Variants in SLC29A4 observed in about 807,000 individuals in gnomAD.
SLC29A4 encodes equilibrative nucleoside transporter 4.
A neutral mutation model predicts 43.9 loss-of-function variants in SLC29A4; 36 were observed. The ratio of observed to expected loss-of-function variants is 0.82; its 90% confidence interval spans 0.63 to 1.08. SLC29A4 has a LOEUF of 1.08. SLC29A4 is among the 50% of genes least tolerant of loss of function. SLC29A4 has a pLI of 0.00. For synonymous variants in SLC29A4, 491 were observed against 338.0 expected, an observed-to-expected ratio of 1.45 and a Z score of -4.97; for missense variants, 869 against 755.3, an observed-to-expected ratio of 1.15 and a Z score of -1.77.
In SLC29A4 at chr7:5,306,419, T is replaced by G. The variant is rs1786501071; in HGVS notation, c.*3480T>G. ...CACATTGCTCAGGCTGGTCTGAAAC[T>G]CCTGGCCTGAAGTGATCCTCCCGCC... On this transcript the variant is annotated 3_prime_UTR_variant, in exon 11 of 11. Transcript: ENST00000396872. 1.3e-5 allele frequency: 2 copies of G among 151,796 alleles called. No individual in the cohort carries two copies. The highest frequency in any genetic ancestry group is 1.3e-4 in the Admixed American group (2 of 15,246). 9.4% of individuals were successfully genotyped at this position (151,796 alleles called of 1,614,324 possible). A position where few individuals can be genotyped will look rare whatever the true frequency, so the allele number is the denominator to read the frequency against.
chr7:5,289,252 C>T (rs1188449192), intron 2 of SLC29A4, among the ~76,000 whole-genome samples: 1 of 152,090 alleles, frequency 6.6e-6, no homozygotes, highest in South Asian at 2.1e-4. Flanking sequence ...CAAAAATTAG[C>T]CGGGTGTGGT....
intron 1 of SLC29A4, among the ~76,000 whole-genome samples, chr7:5,284,630 G>A (rs1784848000): frequency 6.6e-6 from 1 of 152,208 alleles, no homozygotes; most frequent in Non-Finnish European, 1.5e-5. Context: ...TGCCTTCCCT[G>A]GGGCGCAGTA....
At chr7:5,299,700 T>A (rs568777263) in intron 9 of SLC29A4, among the ~76,000 whole-genome samples, 62 of 152,316 alleles carry the variant, frequency 4.1e-4, no homozygotes, top group Middle Eastern at 3.4e-3. Context: ...CCCCTGGGGA[T>A]GAGCACAGGA....
chr7:5,285,043 T>G (rs959324489), intron 1 of SLC29A4, among the ~76,000 whole-genome samples: 3 of 152,148 alleles, frequency 2.0e-5, no homozygotes, highest in Admixed American at 6.5e-5. Context: ...TTGATTGTTG[T>G]AGACTGTCAC....
At chr7:5,297,764 G>C (rs112615973) in intron 7 of SLC29A4, among the ~76,000 whole-genome samples, 4,251 of 152,288 alleles carry the variant, frequency 0.028, 223 homozygotes, top group African/African-American at 0.097. Context: ...AGCCAGGAAA[G>C]GGAGTGGTCT....
chr7:5,292,990 C>T (rs1000717242), intron 5 of SLC29A4, among the ~76,000 whole-genome samples: 43 of 150,372 alleles, frequency 2.9e-4, no homozygotes, highest in African/African-American at 1.0e-3. Context: ...TGAGCCACCG[C>T]ACCCCGCCCC....
chr7:5,306,360 A>G lies in SLC29A4; in HGVS notation c.*3421A>G, dbSNP rs1015943180. 6.7e-6 allele frequency: 1 copy of G among 149,844 alleles called. No individual in the cohort carries two copies. Among genetic ancestry groups the G allele is most frequent in the Non-Finnish European group, 1.5e-5 (1 of 67,624 alleles). The allele number at this position is 149,844 out of a possible 1,614,324, so 9.3% of individuals were successfully genotyped here. ...CAGGTGTGGGCCACCACACCCGGCTAATTTTTGTATTTTTAGTAGAGACGG... is the reference window on the plus strand; with the variant it reads ...CAGGTGTGGGCCACCACACCCGGCTGATTTTTGTATTTTTAGTAGAGACGG... On this transcript the variant is annotated 3_prime_UTR_variant, in exon 11 of 11. Coordinates refer to ENST00000396872, the MANE Select transcript of SLC29A4 (RefSeq NM_153247.4).
Position 5,301,749 on chromosome 7 carries a change from A to C in SLC29A4, c.1451-1048A>C, listed in dbSNP as rs1462647896. ...CCACAGGACCGGCTGATGGGTTGAGAGGTAGGGTGTGGGAGAGGGAAGGGG... is the reference window on the plus strand; with the variant it reads ...CCACAGGACCGGCTGATGGGTTGAGCGGTAGGGTGTGGGAGAGGGAAGGGG... On this transcript the variant is annotated intron_variant, in intron 10 of 10. Coordinates refer to ENST00000396872, the MANE Select transcript of SLC29A4 (RefSeq NM_153247.4). Among the ~76,000 whole-genome samples, 3 of 151,838 alleles carry C rather than the reference A, an allele frequency of 2.0e-5. No individual in the cohort carries two copies. In the East Asian group the frequency reaches 5.8e-4, roughly 29 times the overall value.
intron 5 of SLC29A4, 138 bp downstream of exon 5, chr7:5,291,959 T>C: frequency 3.3e-6 from 4 of 1,224,312 alleles, no homozygotes; most frequent in Non-Finnish European, 4.5e-6. Flanking sequence ...TCCACCTGCA[T>C]GCCAGCGTGC....
In SLC29A4 at chr7:5,300,597, A is replaced by G. The variant is rs1314418898; in HGVS notation, c.1385A>G (p.Tyr462Cys). ...CTGCTCATGGGCATCAGCAACGGCTACTTCGGCAGCGTGCCCATGATCCTG... is the reference window on the plus strand; with the variant it reads ...CTGCTCATGGGCATCAGCAACGGCTGCTTCGGCAGCGTGCCCATGATCCTG... ...FSLLMGISNG[Y>C]FGSVPMILAA... The change falls in exon 10 of 11, where the codon TAC (tyrosine) becomes TGC (cysteine). Residue 462 changes from tyrosine to cysteine, a missense_variant. Physicochemically the swap from Tyr to Cys is radical, Grantham distance 194. Coordinates refer to ENST00000396872, the MANE Select transcript of SLC29A4 (RefSeq NM_153247.4). 1 of 1,611,038 alleles carries G rather than the reference A, an allele frequency of 6.2e-7. No homozygotes were observed. The highest frequency in any genetic ancestry group is 1.3e-5 in the African/African-American group (1 of 74,844).
At chr7:5,290,697 GC>G (rs1292034055) in intron 2 of SLC29A4, 34 bp from the exon 3 acceptor site, 20 of 1,585,864 alleles carry the variant, frequency 1.3e-5, no homozygotes, top group Non-Finnish European at 1.7e-5. Flanking sequence ...CATGCGTGGA[GC>G]GTGCCCCGTC....
Position 5,291,218 on chromosome 7 carries a change from G to T in SLC29A4, c.396G>T (p.Leu132=), listed in dbSNP as rs970963559. The T allele has an allele frequency of 1.2e-6, 2 of 1,612,852 alleles. No individual in the cohort carries two copies. Among genetic ancestry groups the T allele is most frequent in the Non-Finnish European group, 1.7e-6 (2 of 1,179,990 alleles). The change falls in exon 4 of 11, where the codon CTG becomes CTT. Residue 132 remains leucine (L), a synonymous_variant. Transcript: ENST00000396872. ...ACGTCCTGGTGGAGAGACTGACCCT[G>T]CACACCAGGATCACCGCAGGTGCGC... ...LNNVLVERLT[L]HTRITAGYLL...
At chr7:5,298,581 C>G (rs1347421145) in intron 7 of SLC29A4, among the ~76,000 whole-genome samples, 1 of 152,038 alleles carries the variant, frequency 6.6e-6, no homozygotes, top group Non-Finnish European at 1.5e-5. Flanking sequence ...CGCTTGAGCC[C>G]AAGAGTTTGA....
chr7:5,290,052 A>ATTTTT (rs386409422), intron 2 of SLC29A4, among the ~76,000 whole-genome samples: 45 of 117,184 alleles, frequency 3.8e-4, no homozygotes, highest in East Asian at 7.3e-4. Context: ...TGCCCAGCTA[A>ATTTTT]TTTTTTTTTT....
At chr7:5,284,652 G>T (rs565060436) in intron 1 of SLC29A4, among the ~76,000 whole-genome samples, 1 of 152,302 alleles carries the variant, frequency 6.6e-6, no homozygotes, top group Admixed American at 6.5e-5. Flanking sequence ...GCTTGGATGT[G>T]GGGGGCCGGG....
At position 5,295,006 on chromosome 7, in the gene SLC29A4, C is replaced by T. The variant is rs1213651115; in HGVS notation, c.619+72C>T. The stretch of plus-strand genomic sequence containing the variant: ...GGCTCTGGAAGCTTCTTCCCAGGGA[C>T]TCCCCATGATGCTCCCCGGTCTGGG... On this transcript the variant is annotated intron_variant, in intron 6 of 10. Coordinates refer to ENST00000396872, the MANE Select transcript of SLC29A4 (RefSeq NM_153247.4). The T allele has an allele frequency of 5.2e-6, 7 of 1,338,212 alleles. No individual in the cohort carries two copies. In the Admixed American group the frequency reaches 6.5e-5, roughly 12 times the overall value. The allele number at this position is 1,338,212 out of a possible 1,614,324, so 82.9% of individuals were successfully genotyped here. A position where few individuals can be genotyped will look rare whatever the true frequency, so the allele number is the denominator to read the frequency against.
rs1056329272 is a variant in SLC29A4 at position 5,292,690 on chromosome 7, CTTTTTTTTTTTTTT to C, written c.544+884_544+897del. ...TTCTACCAGCCAAGACATTTTTTTCCTTTTTTTTTTTTTTTTTTTTTTTTTTTTGAGACAGTCTC... is the reference window on the plus strand; with the variant it reads ...TTCTACCAGCCAAGACATTTTTTTCCTTTTTTTTTTTTTTGAGACAGTCTC... On this transcript the variant is annotated intron_variant, in intron 5 of 10. Transcript: ENST00000396872. Among the ~76,000 whole-genome samples, 352 of 67,444 alleles carry C rather than the reference CTTTTTTTTTTTTTT, an allele frequency of 5.2e-3. 4 individuals are homozygous for C. The highest frequency in any genetic ancestry group is 0.018 in the African/African-American group (290 of 16,106). 44.2% of individuals were successfully genotyped at this position (67,444 alleles called of 152,430 possible).
intron 1 of SLC29A4, among the ~76,000 whole-genome samples, chr7:5,286,762 C>A (rs1204714779): frequency 6.6e-6 from 1 of 152,190 alleles, no homozygotes; most frequent in Non-Finnish European, 1.5e-5. Flanking sequence ...GCCATCGTGG[C>A]TCAAAGTGCC....
rs1190760098 is a variant in SLC29A4, at chr7:5,298,989, A to G, written c.884A>G (p.Glu295Gly). Residue 295 changes from glutamate to glycine, a missense_variant and splice_region_variant, in exon 8 of 11, where the codon GAG (glutamate) becomes GGG (glycine). Coordinates refer to ENST00000396872, the MANE Select transcript of SLC29A4 (RefSeq NM_153247.4). Reference sequence around the variant, plus strand: ...CATCCCACTCCATCCTCCCTCCAGGAGCACCCAGCCCCGGCCCTGGCCCCC... The same window carrying G: ...CATCCCACTCCATCCTCCCTCCAGGGGCACCCAGCCCCGGCCCTGGCCCCC... ...HDVVAGDVHF[E>G]HPAPALAPNE... 2 of 1,608,370 alleles carry G rather than the reference A, an allele frequency of 1.2e-6. No homozygotes were observed. The highest frequency in any genetic ancestry group is 2.2e-5 in the South Asian group (2 of 90,942).
Sources: gnomAD v4.1 joint callset for allele counts (sites outside exome capture counted in the v4.1 genomes callset) on GRCh38, gnomAD v4.1.1 for gene constraint, MANE v1.5 for transcripts, NCBI Gene and HGNC (gene_info 2026-07-23, HGNC 2026-07-21) for gene names.